The following ZNF610 variants were observed in gnomAD, a reference collection of about 807,000 sequenced individuals.
ZNF610 encodes zink finger protein.
A neutral mutation model predicts 14.1 loss-of-function variants in ZNF610; 14 were observed. The ratio of observed to expected loss-of-function variants is 0.99; its 90% CI spans 0.65 to 1.55. The LOEUF (loss-of-function observed/expected upper bound fraction) is 1.55, where lower values mean the gene tolerates loss of function less well. ZNF610 is among the 40% of genes most tolerant of loss of function. The pLI is 0.00. For synonymous variants in ZNF610, 185 were observed against 187.6 expected, an observed-to-expected ratio of 0.99 and a Z score of 0.11; for missense variants, 530 against 558.0, an observed-to-expected ratio of 0.95 and a Z score of 0.51.
chr19:52,353,665 T>A lies in ZNF610; in HGVS notation c.64-17T>A. 6.2e-7 allele frequency: 1 copy of A among 1,613,102 alleles called. No individual in the cohort carries two copies. The highest frequency in any genetic ancestry group is 1.3e-5 in the African/African-American group (1 of 75,040). Reference sequence around the variant, plus strand: ...TCTACATTTTTAGTGTTGTAAACAATGTGGTCCTCATTTTAGGGACGCTTG... The same window carrying A: ...TCTACATTTTTAGTGTTGTAAACAAAGTGGTCCTCATTTTAGGGACGCTTG... On this transcript the variant is annotated splice_polypyrimidine_tract_variant and intron_variant, in intron 3 of 5. Transcript: ENST00000403906.
At chr19:52,354,002 C>T (rs1985396060) in intron 4 of ZNF610, among the ~76,000 whole-genome samples, 194 bp downstream of exon 4, 1 of 152,186 alleles carries the variant, frequency 6.6e-6, no homozygotes, top group Non-Finnish European at 1.5e-5. Flanking sequence ...CTTCATAATA[C>T]ATCATTGGGT....
chr19:52,362,342 C>T (rs570445617), intron 5 of ZNF610, among the ~76,000 whole-genome samples: 28 of 152,274 alleles, frequency 1.8e-4, no homozygotes, highest in Admixed American at 1.6e-3. Context: ...ACCTGGGAGG[C>T]GGAGGTTGCA....
chr19:52,351,127 C>T (rs1260186047), intron 3 of ZNF610, among the ~76,000 whole-genome samples: 1 of 152,032 alleles, frequency 6.6e-6, no homozygotes, highest in African/African-American at 2.4e-5. Flanking sequence ...TTCCTTGCTC[C>T]TTTACATCCT....
chr19:52,330,594 T>C, the ZNF610 span, among the ~76,000 whole-genome samples: 2 of 152,212 alleles, frequency 1.3e-5, no homozygotes, highest in South Asian at 4.1e-4. Flanking sequence ...CCAAAGAGAC[T>C]AATGCAGTAT....
chr19:52,358,525 T>C (rs957760353), intron 5 of ZNF610, among the ~76,000 whole-genome samples: 1 of 152,250 alleles, frequency 6.6e-6, no homozygotes, highest in Non-Finnish European at 1.5e-5. Flanking sequence ...TTCTGATTTG[T>C]AGGAGTTTTA....
chr19:52,342,381 C>T (rs1984726607), intron 1 of ZNF610, among the ~76,000 whole-genome samples: 1 of 152,066 alleles, frequency 6.6e-6, no homozygotes, highest in African/African-American at 2.4e-5. Context: ...AGGATGAGCC[C>T]CTGCACCAGG....
intron 5 of ZNF610, 30 bp downstream of exon 5, chr19:52,354,409 CAT>C: frequency 1.3e-6 from 2 of 1,598,454 alleles, no homozygotes; most frequent in Non-Finnish European, 1.7e-6. Flanking sequence ...GTGTGGAGGC[CAT>C]AGTTTTTATT....
intron 1 of ZNF610, among the ~76,000 whole-genome samples, chr19:52,339,956 G>T (rs1984597000): frequency 6.6e-6 from 1 of 152,204 alleles, no homozygotes; most frequent in Non-Finnish European, 1.5e-5. Flanking sequence ...ACCGATCCTG[G>T]CTGGAAACCA....
intron 5 of ZNF610, among the ~76,000 whole-genome samples, chr19:52,359,245 T>G (rs1041331925): frequency 6.6e-6 from 1 of 152,196 alleles, no homozygotes; most frequent in Non-Finnish European, 1.5e-5. Flanking sequence ...ATCTTAACCT[T>G]AAGACTTACA....
chr19:52,353,554 A>G (rs912458857), intron 3 of ZNF610, 128 bp from the exon 4 acceptor site: 1 of 996,204 alleles, frequency 1.0e-6, no homozygotes. Context: ...TAGAGATTGG[A>G]ATTGAAGTTT....
intron 1 of ZNF610, among the ~76,000 whole-genome samples, chr19:52,338,796 C>G (rs1984506133): frequency 1.3e-5 from 2 of 152,100 alleles, no homozygotes; most frequent in Admixed American, 1.3e-4. Flanking sequence ...GGTGGCCTGC[C>G]CCTCCACACC....
At position 52,339,809 on chromosome 19, in the gene ZNF610, G is replaced by A. The variant is rs375440296; in HGVS notation, c.-258+3303G>A. Among the ~76,000 whole-genome samples, 517 of 152,248 alleles carry A rather than the reference G, an allele frequency of 3.4e-3. 5 individuals are homozygous for A. The highest frequency in any genetic ancestry group is 0.028 in the South Asian group (137 of 4,824). On this transcript the variant is annotated intron_variant, in intron 1 of 5. Transcript: ENST00000403906. ...CCAGTAGCTGGGATTACAGGTGCCC[G>A]TCACCATGCCTGGCTACTCTTGTAT...
At chr19:52,353,096 G>A (rs1248448149) in intron 3 of ZNF610, among the ~76,000 whole-genome samples, 1 of 152,028 alleles carries the variant, frequency 6.6e-6, no homozygotes, top group African/African-American at 2.4e-5. Context: ...CCGCCACCAT[G>A]CCTGGCTAAT....
At chr19:52,365,121 G>A (rs995418291) in intron 5 of ZNF610, among the ~76,000 whole-genome samples, 9 of 151,948 alleles carry the variant, frequency 5.9e-5, no homozygotes, top group African/African-American at 1.2e-4. Context: ...GGTGGCGTGC[G>A]CCTGTAGTTC....
chr19:52,357,398 C>A (rs2122255813), intron 5 of ZNF610, among the ~76,000 whole-genome samples: 1 of 152,218 alleles, frequency 6.6e-6, no homozygotes, highest in East Asian at 1.9e-4. Flanking sequence ...GTAATCCCAG[C>A]ACTTTGGGAG....
At chr19:52,339,078 G>A (rs1295787558) in intron 1 of ZNF610, among the ~76,000 whole-genome samples, 5 of 152,042 alleles carry the variant, frequency 3.3e-5, no homozygotes, top group African/African-American at 9.7e-5. Flanking sequence ...GAAACGTGCT[G>A]TGCCTTGATG....
At chr19:52,364,594 G>T (rs567145026) in intron 5 of ZNF610, among the ~76,000 whole-genome samples, 75 of 152,070 alleles carry the variant, frequency 4.9e-4, no homozygotes, top group Non-Finnish European at 7.2e-4. Context: ...AAGGAGTCTC[G>T]CTCTGTCGCC....
In ZNF610 at chr19:52,366,116, C is replaced by T. The variant is rs1314024575; in HGVS notation, c.738C>T (p.His246=). The T allele has an allele frequency of 1.5e-5, 25 of 1,613,936 alleles. No individual in the cohort carries two copies. Among genetic ancestry groups the T allele is most frequent in the Non-Finnish European group, 1.9e-5 (23 of 1,179,992 alleles). Residue 246 remains histidine (H), a synonymous_variant, in exon 6 of 6, where the codon CAC becomes CAT. Coordinates refer to ENST00000403906, the MANE Select transcript of ZNF610 (RefSeq NM_001161425.2). ...ECGKVFSRNS[H]LVEHWRIHTG... is the part of the protein sequence containing the mutation. Reference sequence around the variant, plus strand: ...GCAAGGTCTTCAGTCGCAATTCACACCTTGTAGAACATTGGAGAATTCATA... The same window carrying T: ...GCAAGGTCTTCAGTCGCAATTCACATCTTGTAGAACATTGGAGAATTCATA...
intron 3 of ZNF610, among the ~76,000 whole-genome samples, chr19:52,352,633 CTGCTT>C (rs1985312542): frequency 6.6e-6 from 1 of 152,112 alleles, no homozygotes; most frequent in African/African-American, 2.4e-5. Flanking sequence ...CTAACAGATC[CTGCTT>C]TTTCCTGCCT....
Sources: allele counts gnomAD v4.1 joint callset (sites outside exome capture counted in the v4.1 genomes callset), GRCh38; gene constraint gnomAD v4.1.1; transcripts MANE v1.5; gene names NCBI Gene and HGNC (gene_info 2026-07-23, HGNC 2026-07-21).